ANO2: variants seen among roughly 807,000 people sequenced by gnomAD.
The protein encoded by ANO2 is anoctamin-2.
A neutral mutation model predicts 124.2 loss-of-function variants in ANO2; 101 were observed. The observed-to-expected ratio is 0.81, with a 90% CI of 0.69 to 0.96. ANO2 has a LOEUF of 0.96. ANO2 is among the 40% of genes least tolerant of loss of function. The probability of loss-of-function intolerance (pLI) is 0.00; values close to 1 mark genes in which losing one functional copy is unlikely to be tolerated. For synonymous variants in ANO2, 486 were observed against 482.5 expected (o/e 1.01, Z -0.09); for missense variants, 1,293 against 1,274.5 (o/e 1.01, Z -0.22).
At chr12:5,945,095 G>T (rs1565802403) in intron 1 of ANO2, 101 bp downstream of exon 1, 4 of 1,136,820 alleles carry the variant, frequency 3.5e-6, no homozygotes, top group East Asian at 1.4e-4. Flanking sequence ...TCCCTTGGGG[G>T]TCCCCAATCC....
At chr12:5,690,444 C>T (rs566833492) in intron 14 of ANO2, among the ~76,000 whole-genome samples, 1 of 152,328 alleles carries the variant, frequency 6.6e-6, no homozygotes, top group Non-Finnish European at 1.5e-5. Flanking sequence ...AAGCTCTTGG[C>T]CAGCTTCACG....
chr12:5,879,612 G>A (rs1938347206), intron 3 of ANO2, among the ~76,000 whole-genome samples: 1 of 152,148 alleles, frequency 6.6e-6, no homozygotes, highest in Non-Finnish European at 1.5e-5. Flanking sequence ...GAAACCTAAG[G>A]GGTCAAAGAA....
rs986124394 is a variant in ANO2 at position 5,945,082 on chromosome 12, G to C, written c.22+114C>G. On this transcript the variant is annotated intron_variant, in intron 1 of 24. Transcript: ENST00000682330. ...TCAACTTCCCGCACCACCCTGCCCA[G>C]GCTCCCTTGGGGGTCCCCAATCCCG... 3 of 1,011,176 alleles carry C rather than the reference G, an allele frequency of 3.0e-6. No individual in the cohort carries two copies. In the African/African-American group the frequency reaches 5.0e-5, roughly 17 times the overall value. 62.6% of individuals were successfully genotyped at this position (1,011,176 alleles called of 1,614,324 possible).
At chr12:5,789,791 GCATGCCGGGCTAATTAAATT>G (rs1952644711) in intron 10 of ANO2, among the ~76,000 whole-genome samples, 1 of 152,212 alleles carries the variant, frequency 6.6e-6, no homozygotes, top group Admixed American at 6.5e-5. Context: ...AAAAGCCTGG[GCATGCCGGGCTAATTAAATT>G]TAGCTATCTT....
chr12:5,888,248 T>C (rs1939101924), intron 3 of ANO2, among the ~76,000 whole-genome samples: 2 of 151,946 alleles, frequency 1.3e-5, no homozygotes, highest in Non-Finnish European at 2.9e-5. Flanking sequence ...TCCCGGTGGG[T>C]TCGTGGTCTC....
intron 10 of ANO2, among the ~76,000 whole-genome samples, chr12:5,798,490 C>T (rs558936867): frequency 6.6e-6 from 1 of 152,256 alleles, no homozygotes; most frequent in African/African-American, 2.4e-5. Flanking sequence ...GGCCGCTGCC[C>T]CTCTCACAAT....
intron 10 of ANO2, among the ~76,000 whole-genome samples, chr12:5,767,144 C>A (rs1406587925): frequency 2.0e-5 from 3 of 152,206 alleles, no homozygotes; most frequent in African/African-American, 7.2e-5. Context: ...CCTGCCCCTT[C>A]CTCCCTGGAC....
chr12:5,685,601 T>A (rs551502092), intron 14 of ANO2, among the ~76,000 whole-genome samples: 2 of 152,170 alleles, frequency 1.3e-5, no homozygotes, highest in East Asian at 3.9e-4. Context: ...CCGGGCAACA[T>A]GGCGAAATGC....
intron 15 of ANO2, among the ~76,000 whole-genome samples, chr12:5,637,740 C>T (rs1347455756): frequency 3.9e-5 from 6 of 152,170 alleles, no homozygotes; most frequent in Non-Finnish European, 8.8e-5. Flanking sequence ...CCACCCCTGG[C>T]ACACCTCACT....
intron 14 of ANO2, 131 bp from the exon 15 acceptor site, chr12:5,647,932 CCT>C (rs1946731310): frequency 5.7e-6 from 4 of 697,568 alleles, no homozygotes; most frequent in African/African-American, 1.8e-5. Flanking sequence ...GTCACTGATG[CCT>C]TACTCTCCAT....
At chr12:5,883,512 T>A (rs909757794) in intron 3 of ANO2, among the ~76,000 whole-genome samples, 1 of 151,122 alleles carries the variant, frequency 6.6e-6, no homozygotes, top group African/African-American at 2.4e-5. Flanking sequence ...GGTGTGTGTG[T>A]GTGTGTGTGT....
At chr12:5,626,328 G>A (rs1406977113) in intron 16 of ANO2, among the ~76,000 whole-genome samples, 1 of 152,120 alleles carries the variant, frequency 6.6e-6, no homozygotes, top group East Asian at 1.9e-4. Context: ...GATGCGGGTG[G>A]AGGTAACATA....
At chr12:5,681,147 C>T (rs1308159900) in intron 14 of ANO2, among the ~76,000 whole-genome samples, 2 of 152,174 alleles carry the variant, frequency 1.3e-5, no homozygotes, top group African/African-American at 4.8e-5. Context: ...GAGGTGATTG[C>T]TAAGCAGGAA....
At chr12:5,585,918 C>T (rs1028021199) in intron 20 of ANO2, among the ~76,000 whole-genome samples, 3 of 152,034 alleles carry the variant, frequency 2.0e-5, no homozygotes, top group South Asian at 2.1e-4. Flanking sequence ...TTTTAGAAAA[C>T]GGAAATAAGG....
At chr12:5,628,041 T>C (rs534866388) in intron 16 of ANO2, among the ~76,000 whole-genome samples, 2 of 152,030 alleles carry the variant, frequency 1.3e-5, no homozygotes, top group African/African-American at 4.8e-5. Context: ...TCAAGGCTGT[T>C]GTGAGTTATG....
chr12:5,820,279 T>C (rs928495995), intron 7 of ANO2, among the ~76,000 whole-genome samples: 2 of 152,160 alleles, frequency 1.3e-5, no homozygotes, highest in Non-Finnish European at 2.9e-5. Context: ...TTGGGGTAAC[T>C]GTGCATTGGG....
chr12:5,735,942 T>C (rs949739118), intron 13 of ANO2, among the ~76,000 whole-genome samples: 1 of 152,238 alleles, frequency 6.6e-6, no homozygotes, highest in Admixed American at 6.5e-5. Flanking sequence ...GCAGGATATC[T>C]GTGTTCAGAT....
rs1010781987 is a variant in ANO2 at position 5,854,202 on chromosome 12, G to A, written c.535-61C>T. 13 of 1,467,110 alleles carry A rather than the reference G, an allele frequency of 8.9e-6. No homozygotes were observed. The African/African-American group carries it at 1.4e-4, about 16-fold the overall frequency. The allele number at this position is 1,467,110 out of a possible 1,614,324, so 90.9% of individuals were successfully genotyped here. A position where few individuals can be genotyped will look rare whatever the true frequency, so the allele number is the denominator to read the frequency against. ...TGTAAGGACATAGCTTAAACTCCTG[G>A]TTCTTCAACTGTTCCACACAAGGAG... On this transcript the variant is annotated intron_variant, in intron 3 of 24. Coordinates refer to ENST00000682330, the MANE Select transcript of ANO2 (RefSeq NM_001364791.2).
At chr12:5,586,472 C>T (rs1943115154) in intron 20 of ANO2, among the ~76,000 whole-genome samples, 1 of 152,212 alleles carries the variant, frequency 6.6e-6, no homozygotes, top group Admixed American at 6.5e-5. Context: ...CACACACACA[C>T]TTGCAGTTCT....
Sources: allele counts gnomAD v4.1 joint callset (sites outside exome capture counted in the v4.1 genomes callset), GRCh38; gene constraint gnomAD v4.1.1; transcripts MANE v1.5; gene names NCBI Gene and HGNC (gene_info 2026-07-23, HGNC 2026-07-21).